Variants in GRIK2 observed in about 807,000 individuals in gnomAD.
GRIK2 encodes the protein glutamate receptor ionotropic, kainate 2.
Under a neutral mutation model 100.3 loss-of-function variants are expected in GRIK2, and 32 were observed. The ratio of observed to expected loss-of-function variants is 0.32; its 90% CI spans 0.24 to 0.43. The LOEUF is 0.43. Ranked by LOEUF, GRIK2 falls within the 20% of genes least tolerant of loss-of-function variation. GRIK2 has a pLI of 1.00. For missense variants in GRIK2, 843 were observed against 1,114.9 expected, an observed-to-expected ratio of 0.76 and a Z score of 3.47; for synonymous variants, 417 against 389.4, an observed-to-expected ratio of 1.07 and a Z score of -0.83.
chr6:101,680,733 C>T (rs149666382), intron 5 of GRIK2, among the ~76,000 whole-genome samples: 1 of 152,208 alleles, frequency 6.6e-6, no homozygotes, highest in African/African-American at 2.4e-5. Context: ...TTGAATGGTA[C>T]TGGAGATAGG....
chr6:101,696,854 A>G (rs1167459706), intron 7 of GRIK2, among the ~76,000 whole-genome samples: 1 of 151,208 alleles, frequency 6.6e-6, no homozygotes, highest in East Asian at 1.9e-4. Flanking sequence ...AGAAACCAGG[A>G]AAAAAAAATT....
At chr6:101,554,044 A>G (rs1433317520) in intron 2 of GRIK2, among the ~76,000 whole-genome samples, 2 of 152,232 alleles carry the variant, frequency 1.3e-5, no homozygotes, top group Non-Finnish European at 2.9e-5. Flanking sequence ...CAGCTAACAC[A>G]TGCTTCTATA....
chr6:101,657,259 G>C (rs1346152759), intron 4 of GRIK2, among the ~76,000 whole-genome samples: 1 of 152,132 alleles, frequency 6.6e-6, no homozygotes, highest in Non-Finnish European at 1.5e-5. Context: ...GTGATAGTGA[G>C]TTCTCACAAG....
At chr6:101,807,227 C>T (rs1476267664) in intron 9 of GRIK2, among the ~76,000 whole-genome samples, 2 of 151,794 alleles carry the variant, frequency 1.3e-5, no homozygotes, top group Non-Finnish European at 2.9e-5. Flanking sequence ...GGTCATGGGT[C>T]AATGTTTCAA....
chr6:101,514,241 C>T lies in GRIK2; in HGVS notation c.116-107708C>T, dbSNP rs201776495. Among the ~76,000 whole-genome samples, 4 of 152,078 alleles carry T rather than the reference C, an allele frequency of 2.6e-5. No homozygotes were observed. In the East Asian group the frequency reaches 7.7e-4, roughly 29 times the overall value. On this transcript the variant is annotated intron_variant, in intron 2 of 16. Transcript: ENST00000369134. ...ATATCATACCCTGCATAAAAATTAA[C>T]TCCAGATGAATCATAGACACAAGTG...
At chr6:101,519,767 T>C (rs1774779383) in intron 2 of GRIK2, among the ~76,000 whole-genome samples, 1 of 152,156 alleles carries the variant, frequency 6.6e-6, no homozygotes, top group Non-Finnish European at 1.5e-5. Context: ...AATCAGACTA[T>C]GTAAATTCTG....
intron 7 of GRIK2, among the ~76,000 whole-genome samples, chr6:101,756,108 C>T (rs1486348231): frequency 1.3e-5 from 2 of 152,126 alleles, no homozygotes; most frequent in African/African-American, 4.8e-5. Flanking sequence ...AACATGATGC[C>T]ATTCCTTGTT....
chr6:101,555,682 T>C (rs1367979491), intron 2 of GRIK2, among the ~76,000 whole-genome samples: 2 of 152,228 alleles, frequency 1.3e-5, no homozygotes, highest in Non-Finnish European at 2.9e-5. Context: ...TAAATATGAA[T>C]TGTTTCATTA....
At chr6:101,663,494 T>G (rs1311985566) in intron 4 of GRIK2, among the ~76,000 whole-genome samples, 1 of 152,174 alleles carries the variant, frequency 6.6e-6, no homozygotes, top group African/African-American at 2.4e-5. Context: ...GGATAGCAGA[T>G]GATGAAGTAT....
At position 101,927,415 on chromosome 6, in the gene GRIK2, G is replaced by A. The variant is rs539015375; in HGVS notation, c.1868-1000G>A. 64 of 183,258 alleles carry A rather than the reference G, an allele frequency of 3.5e-4. 2 individuals are homozygous for A. Among genetic ancestry groups the A allele is most frequent in the African/African-American group, 1.5e-3 (62 of 42,072 alleles). 11.4% of individuals were successfully genotyped at this position (183,258 alleles called of 1,614,324 possible). Reference sequence around the variant, plus strand: ...ACTTTTAGTCTATGCTTTCTTGATAGATTCAAAATGATTAAAAGTGAACAG... The same window carrying A: ...ACTTTTAGTCTATGCTTTCTTGATAAATTCAAAATGATTAAAAGTGAACAG... On this transcript the variant is annotated intron_variant, in intron 13 of 16. Transcript: ENST00000369134.
chr6:102,044,666 A>C (rs1770784297), intron 15 of GRIK2, among the ~76,000 whole-genome samples: 1 of 152,040 alleles, frequency 6.6e-6, no homozygotes, highest in Non-Finnish European at 1.5e-5. Context: ...GAATTATGGG[A>C]GAACAATTCA....
At chr6:102,036,734 T>C (rs1440457412) in intron 15 of GRIK2, among the ~76,000 whole-genome samples, 2 of 151,506 alleles carry the variant, frequency 1.3e-5, no homozygotes, top group Admixed American at 1.3e-4. Flanking sequence ...CTTTTAGGAC[T>C]TCTGACATAT....
chr6:101,976,465 G>A (rs548876576), intron 14 of GRIK2, among the ~76,000 whole-genome samples: 1 of 152,098 alleles, frequency 6.6e-6, no homozygotes, highest in Admixed American at 6.6e-5. Flanking sequence ...GTGGGCCTGA[G>A]GAGAGAAGAT....
At chr6:101,638,390 G>T (rs1317480210) in intron 4 of GRIK2, among the ~76,000 whole-genome samples, 1 of 151,778 alleles carries the variant, frequency 6.6e-6, no homozygotes, top group Non-Finnish European at 1.5e-5. Context: ...GTTATGAAGA[G>T]AAATAAAGCA....
chr6:101,647,897 G>A (rs4098292), intron 4 of GRIK2, among the ~76,000 whole-genome samples: 1 of 151,958 alleles, frequency 6.6e-6, no homozygotes, highest in Non-Finnish European at 1.5e-5. Context: ...TCATGGCTTA[G>A]GCAAGAGTTT....
At chr6:101,758,029 G>A (rs1777243096) in intron 7 of GRIK2, among the ~76,000 whole-genome samples, 1 of 152,106 alleles carries the variant, frequency 6.6e-6, no homozygotes, top group Non-Finnish European at 1.5e-5. Flanking sequence ...GGAATTTTGA[G>A]ACCAGCATGG....
chr6:102,029,666 T>C (rs1284876679), intron 14 of GRIK2, among the ~76,000 whole-genome samples: 2 of 151,248 alleles, frequency 1.3e-5, no homozygotes, highest in East Asian at 3.9e-4. Context: ...GGGTGTTTAA[T>C]ATAAATATTT....
At chr6:102,005,171 T>C (rs1360054062) in intron 14 of GRIK2, among the ~76,000 whole-genome samples, 1 of 151,338 alleles carries the variant, frequency 6.6e-6, no homozygotes, top group Non-Finnish European at 1.5e-5. Context: ...TATAAGTATA[T>C]ATACACAATT....
At chr6:101,783,268 G>A (rs113955190) in intron 7 of GRIK2, among the ~76,000 whole-genome samples, 5,024 of 152,118 alleles carry the variant, frequency 0.033, 191 homozygotes, top group African/African-American at 0.093. Context: ...TAGTGAGGGA[G>A]TTCTCATGAG....
Sources: allele counts gnomAD v4.1 joint callset (sites outside exome capture counted in the v4.1 genomes callset), GRCh38; gene constraint gnomAD v4.1.1; transcripts MANE v1.5; gene names NCBI Gene and HGNC (gene_info 2026-07-23, HGNC 2026-07-21).